DNAH3: variants seen among roughly 807,000 people sequenced by gnomAD.
DNAH3 encodes dynein axonemal heavy chain 3, also known as axonemal beta dynein heavy chain 3.
Under a neutral mutation model 432.5 loss-of-function variants are expected in DNAH3, and 332 were observed. That is an observed-to-expected ratio of 0.77 (90% CI 0.70 to 0.84). The LOEUF is 0.84. Among genes scored for constraint, DNAH3 ranks in the 40% least tolerant of loss-of-function variants. DNAH3 has a pLI of 0.00. For synonymous variants in DNAH3, 1,956 were observed against 1,900.2 expected, an observed-to-expected ratio of 1.03 and a Z score of -0.76; for missense variants, 4,861 against 5,114.0, an observed-to-expected ratio of 0.95 and a Z score of 1.51.
At chr16:21,052,478 T>C (rs2089994043) in intron 28 of DNAH3, among the ~76,000 whole-genome samples, 1 of 152,218 alleles carries the variant, frequency 6.6e-6, no homozygotes, top group African/African-American at 2.4e-5. Context: ...TGCGTTCAAA[T>C]TCTGATTCCA....
intron 20 of DNAH3, among the ~76,000 whole-genome samples, chr16:21,078,136 A>T (rs901116385): frequency 3.3e-5 from 5 of 152,012 alleles, no homozygotes; most frequent in Admixed American, 6.6e-5. Context: ...TTAGCCAGGC[A>T]TGGTGGCGCA....
chr16:21,118,353 C>T (rs921339643), intron 11 of DNAH3, among the ~76,000 whole-genome samples: 2 of 152,196 alleles, frequency 1.3e-5, no homozygotes, highest in Non-Finnish European at 2.9e-5. Context: ...CCTCTAAGCC[C>T]AGAGAAAACA....
intron 5 of DNAH3, among the ~76,000 whole-genome samples, chr16:21,140,036 C>T (rs1401016672): frequency 4.0e-5 from 6 of 151,676 alleles, no homozygotes; most frequent in African/African-American, 7.3e-5. Flanking sequence ...CCACCTGCCT[C>T]GGCCTCCCAA....
At chr16:21,059,401 G>T (rs1342261653) in intron 26 of DNAH3, among the ~76,000 whole-genome samples, 1 of 152,138 alleles carries the variant, frequency 6.6e-6, no homozygotes, top group Non-Finnish European at 1.5e-5. Flanking sequence ...GGGACAGCAG[G>T]GTCAGTCCCC....
Position 21,020,358 on chromosome 16 carries a change from A to G in DNAH3, c.5777-489T>C, listed in dbSNP as rs1401563517. 1.5e-4 allele frequency among the ~76,000 whole-genome samples: 16 copies of G among 105,434 alleles called. No homozygotes were observed. The South Asian group carries it at 2.9e-3, about 19-fold the overall frequency. 69.2% of individuals were successfully genotyped at this position (105,434 alleles called of 152,430 possible). A position where few individuals can be genotyped will look rare whatever the true frequency, so the allele number is the denominator to read the frequency against. ...AATAATATAGTGTGTGTATATATAT[A>G]TATATATATAAAATCACTATATATA... is the stretch of plus-strand genomic sequence containing the variant. On this transcript the variant is annotated intron_variant, in intron 40 of 61. Coordinates refer to ENST00000261383, the Ensembl canonical transcript of DNAH3.
chr16:21,107,538 C>A (rs186597811), intron 14 of DNAH3, among the ~76,000 whole-genome samples: 1 of 152,088 alleles, frequency 6.6e-6, no homozygotes, highest in Non-Finnish European at 1.5e-5. Flanking sequence ...CCGCACCCAG[C>A]CTTAATCATT....
chr16:21,036,902 C>T, intron 34 of DNAH3, 54 bp from the exon 35 acceptor site: 1 of 1,440,956 alleles, frequency 6.9e-7, no homozygotes, highest in East Asian at 2.3e-5. Context: ...AGATATATGA[C>T]CTCAACATTT....
intron 28 of DNAH3, among the ~76,000 whole-genome samples, chr16:21,053,731 C>T (rs922973529): frequency 1.3e-5 from 2 of 152,140 alleles, no homozygotes; most frequent in Admixed American, 1.3e-4. Flanking sequence ...GCAAGAGACT[C>T]TGTTCCCAAG....
intron 37 of DNAH3, among the ~76,000 whole-genome samples, chr16:21,030,437 A>G (rs892486408): frequency 2.0e-5 from 3 of 152,166 alleles, no homozygotes; most frequent in African/African-American, 4.8e-5. Context: ...TGGGCCAAAT[A>G]TGATTGTGCC....
intron 46 of DNAH3, 78 bp from the exon 47 acceptor site, chr16:20,987,526 T>C: frequency 6.3e-7 from 1 of 1,579,942 alleles, no homozygotes. Flanking sequence ...AGGTAAGTCC[T>C]GGGGTTGATT....
chr16:20,983,082 T>C (rs749586642), intron 48 of DNAH3, among the ~76,000 whole-genome samples, 196 bp from the exon 49 acceptor site: 3 of 152,054 alleles, frequency 2.0e-5, no homozygotes, highest in Non-Finnish European at 4.4e-5. Context: ...TCACTTAACT[T>C]TGTGAGGAGC....
exon 53 of DNAH3, chr16:20,964,054 T>C (rs754613228): frequency 3.1e-5 from 50 of 1,614,194 alleles, no homozygotes; most frequent in Non-Finnish European, 4.1e-5. Context: ...AGCAACTTTC[T>C]GTTTCTCTGA....
At chr16:20,963,934 A>C (rs564085854) in exon 53 of DNAH3, 1 of 1,614,170 alleles carries the variant, frequency 6.2e-7, no homozygotes, top group South Asian at 1.1e-5. Flanking sequence ...GTACTGGTAC[A>C]TCGGCTCGAT....
chr16:21,078,079 C>T (rs2091038461), intron 20 of DNAH3, among the ~76,000 whole-genome samples: 1 of 151,948 alleles, frequency 6.6e-6, no homozygotes, highest in East Asian at 1.9e-4. Flanking sequence ...AGTTCGAGAC[C>T]AGCCTGACCA....
intron 7 of DNAH3, 63 bp downstream of exon 8, chr16:21,134,196 G>A: frequency 6.6e-7 from 1 of 1,521,996 alleles, no homozygotes; most frequent in Non-Finnish European, 8.9e-7. Context: ...CAGCAGAATA[G>A]GCTTGCTTAC....
At position 20,988,667 on chromosome 16, in the gene DNAH3, G is replaced by A. The variant is rs141832526; in HGVS notation, c.6602-602C>T. Among the ~76,000 whole-genome samples the A allele has an allele frequency of 3.8e-3, 572 of 152,302 alleles. 7 individuals are homozygous for A. The highest frequency in any genetic ancestry group is 0.013 in the African/African-American group (542 of 41,540). On this transcript the variant is annotated intron_variant, in intron 44 of 61. Coordinates refer to ENST00000261383, the Ensembl canonical transcript of DNAH3. ...CATTGTAAAAGAGTCTATCAATTCA[G>A]GAATACTTTTGTTGAAAGTGAAAAT...
intron 27 of DNAH3, among the ~76,000 whole-genome samples, chr16:21,056,155 T>C (rs2152747445): frequency 6.6e-6 from 1 of 152,312 alleles, no homozygotes; most frequent in South Asian, 2.1e-4. Flanking sequence ...TGCTCAGCTA[T>C]TATAGACCGA....
At chr16:21,102,490 G>A (rs1017522831) in intron 16 of DNAH3, among the ~76,000 whole-genome samples, 6 of 152,178 alleles carry the variant, frequency 3.9e-5, no homozygotes, top group Non-Finnish European at 7.3e-5. Context: ...CCTACCACGT[G>A]CTGTTTACCA....
chr16:20,975,236 G>A (rs775940217), exon 51 of DNAH3: 4 of 1,613,108 alleles, frequency 2.5e-6, no homozygotes, highest in Admixed American at 3.3e-5. Flanking sequence ...TTTCTACCTT[G>A]ATTCCTTGGG....
Sources: gnomAD v4.1 joint callset for allele counts (sites outside exome capture counted in the v4.1 genomes callset) on GRCh38, gnomAD v4.1.1 for gene constraint, MANE v1.5 for transcripts, NCBI Gene and HGNC (gene_info 2026-07-23, HGNC 2026-07-21) for gene names.